The following ECT2 variants were observed in gnomAD, a reference collection of about 807,000 sequenced individuals.
ECT2 encodes the protein protein ECT2.
A neutral mutation model predicts 116.9 loss-of-function variants in ECT2; 61 were observed. The observed-to-expected ratio is 0.52, with a 90% CI of 0.42 to 0.65. ECT2 has a LOEUF of 0.65. Among genes scored for constraint, ECT2 ranks in the 30% least tolerant of loss-of-function variants. The probability of loss-of-function intolerance (pLI) is 0.00; values close to 1 mark genes in which losing one functional copy is unlikely to be tolerated. For missense variants in ECT2, 937 were observed against 1,078.7 expected (o/e 0.87, Z 1.84); for synonymous variants, 358 against 346.4 (o/e 1.03, Z -0.37).
At chr3:172,827,920 A>G in the ECT2 span, among the ~76,000 whole-genome samples, 1 of 152,184 alleles carries the variant, frequency 6.6e-6, no homozygotes, top group African/African-American at 2.4e-5. Flanking sequence ...CCTTTTAAGC[A>G]TATTATTGTT....
At chr3:172,806,290 C>T (rs1023588243) in intron 21 of ECT2, among the ~76,000 whole-genome samples, 2 of 152,068 alleles carry the variant, frequency 1.3e-5, no homozygotes, top group African/African-American at 4.8e-5. Flanking sequence ...GTTTAAGGTA[C>T]GGGTCAGGAA....
chr3:172,828,782 A>G, the ECT2 span: 2 of 662,080 alleles, frequency 3.0e-6, no homozygotes, highest in Non-Finnish European at 5.5e-6. Context: ...AGAACCCCCC[A>G]TGGCCTCAGA....
intron 14 of ECT2, among the ~76,000 whole-genome samples, chr3:172,781,903 A>G (rs540098586): frequency 3.9e-4 from 60 of 152,332 alleles, no homozygotes; most frequent in African/African-American, 1.4e-3. Flanking sequence ...AATAAAAAAT[A>G]TTGAGTTATC....
At chr3:172,782,741 CTA>C (rs1167190574) in intron 15 of ECT2, among the ~76,000 whole-genome samples, 7 of 152,084 alleles carry the variant, frequency 4.6e-5, no homozygotes, top group Non-Finnish European at 2.9e-5. Context: ...CTCTATGTGT[CTA>C]TGTCTTCTTA....
chr3:172,761,333 C>T (rs58215026), intron 7 of ECT2, among the ~76,000 whole-genome samples: 3,416 of 151,894 alleles, frequency 0.022, 144 homozygotes, highest in African/African-American at 0.078. Flanking sequence ...AGGAAGTAAA[C>T]GTGAAGAAAG....
intron 1 of ECT2, among the ~76,000 whole-genome samples, chr3:172,751,585 A>G (rs953359728): frequency 6.6e-6 from 1 of 152,218 alleles, no homozygotes; most frequent in Non-Finnish European, 1.5e-5. Context: ...TAGTAATGTT[A>G]TTGTTAATAA....
At chr3:172,783,748 T>G (rs768533814) in intron 15 of ECT2, 51 bp from the exon 16 acceptor site, 1 of 1,197,496 alleles carries the variant, frequency 8.4e-7, no homozygotes, top group Admixed American at 1.8e-5. Context: ...ACATTGTCTC[T>G]AAGGGTGACA....
At chr3:172,807,689 C>G (rs182979466) in intron 21 of ECT2, 81 bp from the exon 22 acceptor site, 2 of 1,456,342 alleles carry the variant, frequency 1.4e-6, no homozygotes, top group Non-Finnish European at 1.9e-6. Context: ...AATTTCATTG[C>G]TCTGAGGGAA....
intron 21 of ECT2, among the ~76,000 whole-genome samples, chr3:172,806,632 C>T (rs931040690): frequency 9.0e-3 from 578 of 64,522 alleles, no homozygotes; most frequent in Middle Eastern, 0.012. Context: ...AGAAATGATT[C>T]TTTCTTTGTT....
chr3:172,801,614 C>T lies in ECT2; in HGVS notation c.1908-1002C>T, dbSNP rs140086550. Among the ~76,000 whole-genome samples, 525 of 152,292 alleles carry T rather than the reference C, an allele frequency of 3.4e-3. 9 individuals carry two copies. Among genetic ancestry groups the T allele is most frequent in the East Asian group, 5.8e-3 (30 of 5,186 alleles). On this transcript the variant is annotated intron_variant, in intron 18 of 24. Transcript: ENST00000392692. The stretch of plus-strand genomic sequence containing the variant: ...AGCTGTTTTCCAGTAATTTGCCCTG[C>T]GGACTAGGCATCTGATCACACTGGA...
At chr3:172,771,315 G>GTCTCA (rs1560273862) in intron 13 of ECT2, 1 of 152,216 alleles carries the variant, frequency 6.6e-6, no homozygotes, top group Non-Finnish European at 1.5e-5. Flanking sequence ...CCTAGGGAAA[G>GTCTCA]GTAAGTCTGA....
At chr3:172,811,226 G>C (rs1405086181) in intron 22 of ECT2, among the ~76,000 whole-genome samples, 1 of 152,034 alleles carries the variant, frequency 6.6e-6, no homozygotes, top group Non-Finnish European at 1.5e-5. Flanking sequence ...TTTAAAGAGA[G>C]AATGAGAATT....
intron 12 of ECT2, among the ~76,000 whole-genome samples, chr3:172,768,735 A>G (rs1720017539): frequency 6.6e-6 from 1 of 152,214 alleles, no homozygotes; most frequent in Admixed American, 6.5e-5. Context: ...AACCTGGAAC[A>G]GTTCCTTAGT....
At chr3:172,805,896 T>G in intron 21 of ECT2, 27 bp downstream of exon 21, 1 of 1,601,218 alleles carries the variant, frequency 6.2e-7, no homozygotes, top group Non-Finnish European at 8.5e-7. Flanking sequence ...CATTCTTGGT[T>G]ATATAAAAAT....
intron 18 of ECT2, among the ~76,000 whole-genome samples, chr3:172,798,541 T>G (rs1158312265): frequency 6.6e-6 from 1 of 152,170 alleles, no homozygotes; most frequent in Non-Finnish European, 1.5e-5. Flanking sequence ...AAAAATGAAT[T>G]ATACAAGATT....
intron 5 of ECT2, among the ~76,000 whole-genome samples, chr3:172,758,121 A>G (rs1214217546): frequency 2.0e-5 from 3 of 151,954 alleles, no homozygotes; most frequent in East Asian, 3.9e-4. Context: ...CTGCCTCCCA[A>G]AGTGTTGAGA....
downstream of ECT2, among the ~76,000 whole-genome samples, chr3:172,824,182 G>A (rs891341203): frequency 2.0e-5 from 3 of 152,160 alleles, no homozygotes; most frequent in Admixed American, 2.0e-4. Flanking sequence ...ATGGTACCAC[G>A]TGTATTAGTC....
chr3:172,761,531 T>G, intron 7 of ECT2, 79 bp from the exon 8 acceptor site: 1 of 960,092 alleles, frequency 1.0e-6, no homozygotes, highest in Non-Finnish European at 1.6e-6. Context: ...CTGCAAAAAA[T>G]TAAGTATGTT....
At chr3:172,816,872 A>C (rs763004324) in intron 24 of ECT2, 35 bp downstream of exon 24, 21 of 1,467,660 alleles carry the variant, frequency 1.4e-5, no homozygotes, top group African/African-American at 4.2e-5. Flanking sequence ...TAAATGACTT[A>C]TTTATGAAGT....
Sources: gnomAD v4.1 joint callset for allele counts (sites outside exome capture counted in the v4.1 genomes callset) on GRCh38, gnomAD v4.1.1 for gene constraint, MANE v1.5 for transcripts, NCBI Gene and HGNC (gene_info 2026-07-23, HGNC 2026-07-21) for gene names.